The following CAB39L variants were observed in gnomAD, a reference collection of about 807,000 sequenced individuals.
CAB39L encodes the protein calcium-binding protein 39-like.
In CAB39L, 23 loss-of-function variants were observed where a neutral mutation model predicts 39.1. That is an observed-to-expected ratio of 0.59 (90% CI 0.42 to 0.83). CAB39L has a LOEUF of 0.83. Ranked by LOEUF, CAB39L falls within the 40% of genes least tolerant of loss-of-function variation. The pLI is 0.00. For synonymous variants in CAB39L, 126 were observed against 137.2 expected (o/e 0.92, Z 0.57); for missense variants, 366 against 391.9 (o/e 0.93, Z 0.56).
At chr13:49,382,644 C>T in intron 4 of CAB39L, 156 bp downstream of exon 4, 1 of 571,482 alleles carries the variant, frequency 1.7e-6, no homozygotes, top group East Asian at 3.2e-5. Flanking sequence ...AAATAATAAT[C>T]AGTTGCATAA....
At chr13:49,320,270 GT>G (rs936587630) in intron 10 of CAB39L, among the ~76,000 whole-genome samples, 16 of 152,126 alleles carry the variant, frequency 1.1e-4, no homozygotes, top group Admixed American at 3.9e-4. Context: ...TGTTGTCCCT[GT>G]TTTTTAAAAA....
chr13:49,328,400 T>G (rs529278065), intron 10 of CAB39L, among the ~76,000 whole-genome samples: 1 of 152,346 alleles, frequency 6.6e-6, no homozygotes, highest in South Asian at 2.1e-4. Context: ...AACTACCAAC[T>G]TGTATCTTTT....
chr13:49,428,876 G>A (rs114738626), intron 3 of CAB39L, among the ~76,000 whole-genome samples: 1,702 of 152,140 alleles, frequency 0.011, 28 homozygotes, highest in African/African-American at 0.038. Context: ...AAAAAGCATA[G>A]CAAAGATAAA....
intron 10 of CAB39L, among the ~76,000 whole-genome samples, chr13:49,312,568 C>T (rs998885151): frequency 1.3e-5 from 2 of 152,200 alleles, no homozygotes; most frequent in Non-Finnish European, 2.9e-5. Context: ...CAGGCTCCAC[C>T]ACCTAGGTCT....
rs149190047 is a variant in CAB39L, at chr13:49,434,151, T to C, written c.-173A>G. On this transcript the variant is annotated 5_prime_UTR_variant, in exon 2 of 11. It removes an upstream start codon present in the reference 5' UTR. Transcript: ENST00000409308. ...ACAAACCACTGATTTGGGGTTCGCA[T>C]CTTTACGTTCTGAACAGCAACTTAG... 2.2e-6 allele frequency: 1 copy of C among 457,000 alleles called. No individual in the cohort carries two copies. The highest frequency in any genetic ancestry group is 1.5e-5 in the South Asian group (1 of 64,544). The allele number at this position is 457,000 out of a possible 1,614,324, so 28.3% of individuals were successfully genotyped here. A position where few individuals can be genotyped will look rare whatever the true frequency, so the allele number is the denominator to read the frequency against.
chr13:49,349,858 A>G (rs539564571), intron 7 of CAB39L, among the ~76,000 whole-genome samples: 1 of 152,344 alleles, frequency 6.6e-6, no homozygotes, highest in Admixed American at 6.5e-5. Flanking sequence ...TAGCAGGATC[A>G]TAAGCCTAAG....
intron 3 of CAB39L, among the ~76,000 whole-genome samples, chr13:49,431,532 C>A (rs78153219): frequency 0.017 from 2,570 of 151,908 alleles, 83 homozygotes; most frequent in African/African-American, 0.059. Context: ...CATGGTGAAA[C>A]CCCATTGCTA....
In CAB39L at chr13:49,377,392, T is replaced by C. The variant is rs1489833594; in HGVS notation, c.112-261A>G. On this transcript the variant is annotated intron_variant, in intron 4 of 10. Transcript: ENST00000409308. The stretch of plus-strand genomic sequence containing the variant: ...GCTATACAAGAAACTTTTTCGGCTC[T>C]CCCTCTCCCTCTCCCTCTCCCTCTG... Among the ~76,000 whole-genome samples the C allele has an allele frequency of 4.2e-5, 4 of 95,810 alleles. 1 individual carries two copies. The highest frequency in any genetic ancestry group is 8.4e-5 in the Non-Finnish European group (4 of 47,522). The allele number at this position is 95,810 out of a possible 152,430, so 62.9% of individuals were successfully genotyped here. A position where few individuals can be genotyped will look rare whatever the true frequency, so the allele number is the denominator to read the frequency against.
intron 3 of CAB39L, among the ~76,000 whole-genome samples, chr13:49,404,574 C>T (rs1956835113): frequency 6.6e-6 from 1 of 152,002 alleles, no homozygotes; most frequent in Admixed American, 6.6e-5. Flanking sequence ...TATGACCTCA[C>T]CAAACCAACT....
intron 1 of CAB39L, among the ~76,000 whole-genome samples, chr13:49,438,685 T>A (rs574397798): frequency 1.3e-5 from 2 of 152,344 alleles, no homozygotes; most frequent in African/African-American, 4.8e-5. Flanking sequence ...CCTGCTCTTT[T>A]TATTTCCCCC....
chr13:49,419,411 C>T (rs1957136283), intron 3 of CAB39L, among the ~76,000 whole-genome samples: 7 of 152,132 alleles, frequency 4.6e-5, no homozygotes. Context: ...AACCCTGTCT[C>T]TCAAAAAAAT....
chr13:49,441,614 T>A (rs1391593417), intron 1 of CAB39L, among the ~76,000 whole-genome samples: 1 of 152,164 alleles, frequency 6.6e-6, no homozygotes, highest in African/African-American at 2.4e-5. Context: ...ATGGACATGC[T>A]GGAGTTTAAA....
rs1384627869 is a variant in CAB39L at position 49,387,340 on chromosome 13, T to C, written c.-31-4399A>G. Among the ~76,000 whole-genome samples, 3 of 152,324 alleles carry C rather than the reference T, an allele frequency of 2.0e-5. No individual in the cohort carries two copies. The East Asian group carries it at 5.8e-4, about 29-fold the overall frequency. On this transcript the variant is annotated intron_variant, in intron 3 of 10. Transcript: ENST00000409308. ...AGGTGGCAGGAAAGTAATTTTTCCA[T>C]AAAGTCTACCTCAGAGTTTTAAGAA...
In CAB39L at chr13:49,433,354, C is replaced by G. The variant is rs1566139539; in HGVS notation, c.-68G>C. 1 of 453,376 alleles carries G rather than the reference C, an allele frequency of 2.2e-6. No individual in the cohort carries two copies. Among genetic ancestry groups the G allele is most frequent in the Admixed American group, 2.4e-5 (1 of 41,776 alleles). 28.1% of individuals were successfully genotyped at this position (453,376 alleles called of 1,614,324 possible). A position where few individuals can be genotyped will look rare whatever the true frequency, so the allele number is the denominator to read the frequency against. On this transcript the variant is annotated 5_prime_UTR_variant, in exon 3 of 11. Transcript: ENST00000409308. Reference sequence around the variant, plus strand: ...TATATCATTTGCAAATTTGTTTGAACCTTCTTAGCTTTCACCAAAGTCACT... The same window carrying G: ...TATATCATTTGCAAATTTGTTTGAAGCTTCTTAGCTTTCACCAAAGTCACT...
intron 8 of CAB39L, among the ~76,000 whole-genome samples, chr13:49,341,217 T>G (rs1954994863): frequency 1.3e-5 from 2 of 152,164 alleles, no homozygotes. Flanking sequence ...TATTAACAGT[T>G]CATTTCCTAA....
chr13:49,377,733 G>A (rs1459089886), intron 4 of CAB39L, among the ~76,000 whole-genome samples: 4 of 81,430 alleles, frequency 4.9e-5, no homozygotes, highest in Admixed American at 1.1e-4. Context: ...GCGTGATCTC[G>A]GCTCACTACA....
At chr13:49,346,841 C>G (rs1397257289) in intron 7 of CAB39L, among the ~76,000 whole-genome samples, 1 of 152,124 alleles carries the variant, frequency 6.6e-6, no homozygotes, top group East Asian at 1.9e-4. Flanking sequence ...CAAACCACTT[C>G]TATTATGGGA....
At chr13:49,409,205 G>A (rs558222658) in intron 3 of CAB39L, among the ~76,000 whole-genome samples, 23 of 152,202 alleles carry the variant, frequency 1.5e-4, no homozygotes, top group African/African-American at 5.5e-4. Flanking sequence ...CAGCCCTTCC[G>A]GGAAACTGGT....
chr13:49,311,808 C>G (rs1953999422), intron 10 of CAB39L, among the ~76,000 whole-genome samples: 1 of 151,970 alleles, frequency 6.6e-6, no homozygotes, highest in African/African-American at 2.4e-5. Context: ...TGTGTTATTG[C>G]AAAAGAGTAA....
Sources: gnomAD v4.1 joint callset for allele counts (sites outside exome capture counted in the v4.1 genomes callset) on GRCh38, gnomAD v4.1.1 for gene constraint, MANE v1.5 for transcripts, NCBI Gene and HGNC (gene_info 2026-07-23, HGNC 2026-07-21) for gene names.